KTN1: variants seen among roughly 807,000 people sequenced by gnomAD.
KTN1 encodes kinectin.
A neutral mutation model predicts 222.5 loss-of-function variants in KTN1; 130 were observed. The ratio of observed to expected loss-of-function variants is 0.58; its 90% confidence interval spans 0.51 to 0.68. The LOEUF (loss-of-function observed/expected upper bound fraction) is 0.68, where lower values mean the gene tolerates loss of function less well. Ranked by LOEUF, KTN1 falls within the 30% of genes least tolerant of loss-of-function variation. The probability of loss-of-function intolerance (pLI) is 0.00; values close to 1 mark genes in which losing one functional copy is unlikely to be tolerated. For synonymous variants in KTN1, 512 were observed against 496.3 expected (o/e 1.03, Z -0.42); for missense variants, 1,508 against 1,500.4 (o/e 1.01, Z -0.08).
intron 28 of KTN1, among the ~76,000 whole-genome samples, chr14:55,655,714 A>C (rs1450211422): frequency 6.6e-6 from 1 of 152,234 alleles, no homozygotes; most frequent in African/African-American, 2.4e-5. Flanking sequence ...AGGGTCAACA[A>C]ATTATGACTA....
chr14:55,648,902 T>C, intron 21 of KTN1, 32 bp downstream of exon 21: 1 of 1,377,982 alleles, frequency 7.3e-7, no homozygotes, highest in Non-Finnish European at 1.0e-6. Context: ...GTTCTTTGTC[T>C]CTGTGTTTTT....
At chr14:55,599,739 A>T (rs959191921) in intron 1 of KTN1, among the ~76,000 whole-genome samples, 5 of 151,936 alleles carry the variant, frequency 3.3e-5, no homozygotes, top group African/African-American at 1.2e-4. Flanking sequence ...TTTTTATGTC[A>T]ATATTTGTGG....
At chr14:55,664,115 G>A in intron 33 of KTN1, 74 bp downstream of exon 33, 1 of 925,426 alleles carries the variant, frequency 1.1e-6, no homozygotes, top group South Asian at 1.6e-5. Context: ...TCAGACTAAA[G>A]CATTTACTTT....
At chr14:55,609,695 G>A (rs576209659) in intron 1 of KTN1, among the ~76,000 whole-genome samples, 18 of 152,098 alleles carry the variant, frequency 1.2e-4, no homozygotes, top group Admixed American at 6.5e-5. Context: ...CAGGGCTGCA[G>A]CTTATTCATT....
intron 1 of KTN1, among the ~76,000 whole-genome samples, chr14:55,593,446 C>CCCCCCCCAA (rs1555357160): frequency 8.3e-6 from 1 of 120,584 alleles, no homozygotes; most frequent in African/African-American, 3.2e-5. Flanking sequence ...ACCCCCCCCC[C>CCCCCCCCAA]AAAAAAAAAA....
intron 29 of KTN1, among the ~76,000 whole-genome samples, chr14:55,657,713 C>A (rs2043652127): frequency 2.6e-5 from 4 of 151,898 alleles, no homozygotes; most frequent in South Asian, 4.2e-4. Flanking sequence ...GGGTTCGAGA[C>A]CAAACATGGC....
At chr14:55,600,774 A>C (rs1317335265) in intron 1 of KTN1, among the ~76,000 whole-genome samples, 3 of 152,230 alleles carry the variant, frequency 2.0e-5, no homozygotes, top group African/African-American at 7.2e-5. Context: ...TTTGTCTTCA[A>C]AAACTGATTT....
At chr14:55,672,524 A>G in intron 37 of KTN1, 106 bp from the exon 38 acceptor site, 1 of 656,844 alleles carries the variant, frequency 1.5e-6, no homozygotes, top group Non-Finnish European at 2.7e-6. Context: ...AATGAGATGC[A>G]TTTCAAAACC....
At chr14:55,674,869 T>C (rs2045762705) in intron 40 of KTN1, 1 of 152,208 alleles carries the variant, frequency 6.6e-6, no homozygotes, top group South Asian at 2.1e-4. Flanking sequence ...AAAATAGCTT[T>C]GTTTGCCTGT....
At chr14:55,671,961 T>A in intron 37 of KTN1, 84 bp downstream of exon 37, 1 of 811,180 alleles carries the variant, frequency 1.2e-6, no homozygotes, top group East Asian at 2.5e-5. Context: ...ATGCACATTC[T>A]TGGGCCCCAA....
At chr14:55,616,096 G>C (rs1355870944) in intron 2 of KTN1, among the ~76,000 whole-genome samples, 1 of 151,572 alleles carries the variant, frequency 6.6e-6, no homozygotes, top group Non-Finnish European at 1.5e-5. Context: ...TATTTTTTTC[G>C]TAGAGATGGA....
chr14:55,602,468 C>G (rs1046456511), intron 1 of KTN1, among the ~76,000 whole-genome samples: 5 of 152,130 alleles, frequency 3.3e-5, no homozygotes, highest in African/African-American at 1.2e-4. Flanking sequence ...TATTTGTGAA[C>G]ACTGTCAAAT....
chr14:55,613,491 ATTT>A (rs57451000), intron 2 of KTN1, among the ~76,000 whole-genome samples: 31 of 129,210 alleles, frequency 2.4e-4, no homozygotes, highest in Non-Finnish European at 3.1e-4. Flanking sequence ...GTTATATTTG[ATTT>A]TTTTTTTTTT....
rs2041601277 is a variant in KTN1, at chr14:55,639,981, CAAGTA to C, written c.1896_1900del (p.Ser632ArgfsTer5). 1.2e-6 allele frequency: 2 copies of C among 1,603,134 alleles called. No homozygotes were observed. On this transcript the variant is annotated frameshift_variant, in exon 14 of 44. Coordinates refer to ENST00000395314, the MANE Select transcript of KTN1 (RefSeq NM_001079521.2). LOFTEE classifies it high-confidence loss of function. ...TTAGCAAGTGAACGTGATCGTTTAACAAGTAAAGAAGAGGAACTTAAGGTATAGTA... is the reference window on the plus strand; with the variant it reads ...TTAGCAAGTGAACGTGATCGTTTAACAAGAAGAGGAACTTAAGGTATAGTA...
chr14:55,650,187 A>G, intron 22 of KTN1, 141 bp from the exon 23 acceptor site: 2 of 664,620 alleles, frequency 3.0e-6, no homozygotes, highest in Non-Finnish European at 5.2e-6. Flanking sequence ...CACCCTGGCC[A>G]TTCTACAAAG....
chr14:55,649,202 T>C lies in KTN1; in HGVS notation c.2367+332T>C, dbSNP rs143568393. On this transcript the variant is annotated intron_variant, in intron 21 of 43. Coordinates refer to ENST00000395314, the MANE Select transcript of KTN1 (RefSeq NM_001079521.2). Reference sequence around the variant, plus strand: ...TTAGCTTCCTAAAGTGTTGGAATTATAGGCATGAGGCACTGTGCCCAGCCC... The same window carrying C: ...TTAGCTTCCTAAAGTGTTGGAATTACAGGCATGAGGCACTGTGCCCAGCCC... Among the ~76,000 whole-genome samples, 250 of 152,344 alleles carry C rather than the reference T, an allele frequency of 1.6e-3. 1 individual carries two copies. The highest frequency in any genetic ancestry group is 4.9e-3 in the African/African-American group (204 of 41,586).
intron 5 of KTN1, among the ~76,000 whole-genome samples, chr14:55,626,743 C>T (rs2039879289): frequency 2.0e-5 from 3 of 152,008 alleles, no homozygotes; most frequent in Admixed American, 2.0e-4. Flanking sequence ...TTTTTTTAGC[C>T]TTTGCTGCTT....
chr14:55,643,188 A>T (rs2041970438), intron 18 of KTN1, among the ~76,000 whole-genome samples: 1 of 152,032 alleles, frequency 6.6e-6, no homozygotes. Context: ...GGGATTACAG[A>T]TGTGAGCCAC....
At chr14:55,602,090 T>C (rs2036058357) in intron 1 of KTN1, among the ~76,000 whole-genome samples, 1 of 152,216 alleles carries the variant, frequency 6.6e-6, no homozygotes, top group South Asian at 2.1e-4. Flanking sequence ...ATGTTTTTAG[T>C]TGATTTGAAT....
Sources: allele counts gnomAD v4.1 joint callset (sites outside exome capture counted in the v4.1 genomes callset), GRCh38; gene constraint gnomAD v4.1.1; transcripts MANE v1.5; gene names NCBI Gene and HGNC (gene_info 2026-07-23, HGNC 2026-07-21).